TASP1: variants seen among roughly 807,000 people sequenced by gnomAD.
TASP1 encodes the protein taspase 1.
Under a neutral mutation model 56.6 loss-of-function variants are expected in TASP1, and 16 were observed. That is an observed-to-expected ratio of 0.28 (90% confidence interval 0.19 to 0.43). The LOEUF (loss-of-function observed/expected upper bound fraction) is 0.43, where lower values mean the gene tolerates loss of function less well. TASP1 is among the 20% of genes least tolerant of loss of function. The probability of loss-of-function intolerance (pLI) is 1.00; values close to 1 mark genes in which losing one functional copy is unlikely to be tolerated. For missense variants in TASP1, 393 were observed against 511.6 expected (o/e 0.77, Z 2.24); for synonymous variants, 179 against 184.2 (o/e 0.97, Z 0.23).
intron 4 of TASP1, among the ~76,000 whole-genome samples, chr20:13,594,631 T>C (rs941310760): frequency 5.9e-5 from 9 of 152,004 alleles, no homozygotes; most frequent in Non-Finnish European, 1.3e-4. Flanking sequence ...TATCAGTGAT[T>C]GAAGATTAAA....
rs2041216678 is a variant in TASP1 at position 13,390,127 on chromosome 20, CA to C, written c.*232del. Reference sequence around the variant, plus strand: ...GAGAAGCAAACACACATACTCCACACATACACATATGTGCGCACATACGCGC... The same window carrying C: ...GAGAAGCAAACACACATACTCCACACTACACATATGTGCGCACATACGCGC... On this transcript the variant is annotated 3_prime_UTR_variant, in exon 14 of 14. Transcript: ENST00000337743. 1 of 462,030 alleles carries C rather than the reference CA, an allele frequency of 2.2e-6. No homozygotes were observed. The highest frequency in any genetic ancestry group is 4.0e-6 in the Non-Finnish European group (1 of 251,576). 28.6% of individuals were successfully genotyped at this position (462,030 alleles called of 1,614,324 possible). A position where few individuals can be genotyped will look rare whatever the true frequency, so the allele number is the denominator to read the frequency against.
chr20:13,526,181 T>C (rs1020908019), intron 10 of TASP1, among the ~76,000 whole-genome samples: 1 of 152,152 alleles, frequency 6.6e-6, no homozygotes, highest in African/African-American at 2.4e-5. Flanking sequence ...CTCCTCGGAC[T>C]TGGAAATCTC....
chr20:13,253,786 G>T, the TASP1 span, among the ~76,000 whole-genome samples: 1 of 151,570 alleles, frequency 6.6e-6, no homozygotes, highest in African/African-American at 2.4e-5. Context: ...GCTCAGCTAG[G>T]AAACAATGGG....
At chr20:13,130,961 G>C in the TASP1 span, among the ~76,000 whole-genome samples, 2 of 152,160 alleles carry the variant, frequency 1.3e-5, no homozygotes, top group African/African-American at 4.8e-5. Flanking sequence ...TATCTCATAG[G>C]ACTGGGAGCT....
In TASP1 at chr20:13,435,632, G is replaced by A. The variant is rs557957856; in HGVS notation, c.986-478C>T. Among the ~76,000 whole-genome samples, 39 of 152,248 alleles carry A rather than the reference G, an allele frequency of 2.6e-4. No homozygotes were observed. In the South Asian group the frequency reaches 3.1e-3, roughly 12 times the overall value. On this transcript the variant is annotated intron_variant, in intron 11 of 13. Transcript: ENST00000337743. ...CATTTTTAAATGCTTCTGATGGTTC[G>A]CACAAATAAGGGTGAAACTGCATTT...
chr20:13,488,357 T>A (rs983747000), intron 10 of TASP1, among the ~76,000 whole-genome samples: 2 of 152,040 alleles, frequency 1.3e-5, no homozygotes, highest in African/African-American at 2.4e-5. Flanking sequence ...TAAATTAAAC[T>A]GATAACTAAA....
the TASP1 span, among the ~76,000 whole-genome samples, chr20:13,112,662 C>T: frequency 3.9e-5 from 6 of 152,172 alleles, no homozygotes; most frequent in African/African-American, 1.4e-4. Flanking sequence ...CAAGAAAGTT[C>T]CTTTCATTTC....
At chr20:13,219,619 G>T in the TASP1 span, among the ~76,000 whole-genome samples, 1 of 151,914 alleles carries the variant, frequency 6.6e-6, no homozygotes, top group Admixed American at 6.5e-5. Context: ...TAATGAAAAG[G>T]AAAAAATATA....
At chr20:13,270,408 G>A in the TASP1 span, 1 of 1,379,584 alleles carries the variant, frequency 7.2e-7, no homozygotes, top group Non-Finnish European at 9.8e-7. Flanking sequence ...TCAGCCACTG[G>A]AATTGTCCTT....
At chr20:13,114,217 G>A in the TASP1 span, among the ~76,000 whole-genome samples, 1 of 152,166 alleles carries the variant, frequency 6.6e-6, no homozygotes, top group South Asian at 2.1e-4. Flanking sequence ...GCATTGAAAC[G>A]TAAAACCCAA....
Position 13,621,446 on chromosome 20 carries a change from A to T in TASP1, c.282+2000T>A, listed in dbSNP as rs192394976. Among the ~76,000 whole-genome samples the T allele has an allele frequency of 6.0e-4, 92 of 152,220 alleles. No homozygotes were observed. The South Asian group carries it at 0.015, about 25-fold the overall frequency. On this transcript the variant is annotated intron_variant, in intron 4 of 13. Transcript: ENST00000337743. The stretch of plus-strand genomic sequence containing the variant: ...AATCCATCTCAAAAATATATATATA[A>T]AAAATAAAATAACTAAAAGTTGAGG...
At chr20:13,334,341 T>C in the TASP1 span, among the ~76,000 whole-genome samples, 3 of 152,250 alleles carry the variant, frequency 2.0e-5, no homozygotes, top group African/African-American at 7.2e-5. Context: ...AATTACACTT[T>C]AATGCAATAA....
chr20:13,149,736 T>G, the TASP1 span, among the ~76,000 whole-genome samples: 2 of 152,184 alleles, frequency 1.3e-5, no homozygotes, highest in Non-Finnish European at 2.9e-5. Context: ...TTTGGTCAAG[T>G]CTCTGAAGGA....
chr20:13,394,125 A>G (rs2041409746), intron 13 of TASP1, among the ~76,000 whole-genome samples: 1 of 151,390 alleles, frequency 6.6e-6, no homozygotes, highest in Non-Finnish European at 1.5e-5. Flanking sequence ...TACTAAAAAT[A>G]CAAAAAAAAT....
chr20:13,586,127 T>C (rs1288407381), intron 5 of TASP1, among the ~76,000 whole-genome samples: 1 of 120,316 alleles, frequency 8.3e-6, no homozygotes, highest in Non-Finnish European at 1.6e-5. Flanking sequence ...AGAATGAGAC[T>C]CCGCACCACT....
At chr20:13,422,498 C>T (rs369850585) in intron 12 of TASP1, among the ~76,000 whole-genome samples, 66 of 152,206 alleles carry the variant, frequency 4.3e-4, no homozygotes, top group African/African-American at 1.5e-3. Context: ...CAGTGAGTTT[C>T]CTCTTCTTTT....
intron 4 of TASP1, chr20:13,616,786 T>C (rs1033087741): frequency 1.3e-5 from 3 of 228,632 alleles, no homozygotes; most frequent in African/African-American, 7.0e-5. Context: ...AGTTACAAGT[T>C]GCCCCTTAGT....
chr20:13,538,168 A>AT (rs1274624391), intron 8 of TASP1, among the ~76,000 whole-genome samples: 2 of 151,950 alleles, frequency 1.3e-5, no homozygotes, highest in East Asian at 3.9e-4. Flanking sequence ...CACCCAGCTA[A>AT]TTTTTTTGTA....
chr20:13,429,304 T>C (rs1435605726), intron 12 of TASP1, among the ~76,000 whole-genome samples: 1 of 152,164 alleles, frequency 6.6e-6, no homozygotes, highest in Non-Finnish European at 1.5e-5. Flanking sequence ...AGACTTGTAT[T>C]GGCCCAGAGC....
Sources: allele counts gnomAD v4.1 joint callset (sites outside exome capture counted in the v4.1 genomes callset), GRCh38; gene constraint gnomAD v4.1.1; transcripts MANE v1.5; gene names NCBI Gene and HGNC (gene_info 2026-07-23, HGNC 2026-07-21).